WDR27: variants seen among roughly 807,000 people sequenced by gnomAD.
The protein encoded by WDR27 is WD repeat-containing protein 27.
WDR27 carries 100 observed loss-of-function variants against 114.4 expected under a neutral mutation model. That is an observed-to-expected ratio of 0.87 (90% CI 0.74 to 1.03). The LOEUF is 1.03. Among genes scored for constraint, WDR27 ranks in the 50% least tolerant of loss-of-function variants. WDR27 has a pLI of 0.00. For synonymous variants in WDR27, 449 were observed against 423.1 expected (o/e 1.06, Z -0.75); for missense variants, 1,129 against 1,092.9 (o/e 1.03, Z -0.47).
chr6:169,575,307 T>C (rs1306193022), intron 24 of WDR27, among the ~76,000 whole-genome samples: 1 of 91,626 alleles, frequency 1.1e-5, no homozygotes, highest in Non-Finnish European at 2.2e-5. Flanking sequence ...TCTCCATCCA[T>C]CCATCCCTCC....
At chr6:169,616,056 G>A (rs1230855772) in intron 21 of WDR27, among the ~76,000 whole-genome samples, 1 of 150,254 alleles carries the variant, frequency 6.7e-6, no homozygotes, top group Non-Finnish European at 1.5e-5. Flanking sequence ...ACAGATATAA[G>A]GTAAAGAAAG....
At chr6:169,565,107 AC>A (rs943339202) in intron 25 of WDR27, among the ~76,000 whole-genome samples, 149 of 152,236 alleles carry the variant, frequency 9.8e-4, no homozygotes, top group African/African-American at 3.5e-3. Flanking sequence ...CAGTCCCGCC[AC>A]CTTGCTTACA....
chr6:169,646,131 G>A (rs759375622), intron 16 of WDR27, among the ~76,000 whole-genome samples: 3 of 152,188 alleles, frequency 2.0e-5, no homozygotes, highest in Admixed American at 6.5e-5. Flanking sequence ...CACTAACATC[G>A]GCATGGGGGT....
At chr6:169,560,621 T>C (rs941540942) in intron 25 of WDR27, among the ~76,000 whole-genome samples, 16 of 152,224 alleles carry the variant, frequency 1.1e-4, no homozygotes, top group Non-Finnish European at 2.1e-4. Context: ...GGCCCTCTTG[T>C]TGATGGGACA....
chr6:169,559,791 T>A (rs1247686107), intron 25 of WDR27: 2 of 152,232 alleles, frequency 1.3e-5, no homozygotes, highest in Non-Finnish European at 2.9e-5. Flanking sequence ...TACAGCTCTG[T>A]GGTGCGTAGG....
chr6:169,447,046 A>G, the WDR27 span, among the ~76,000 whole-genome samples: 1 of 152,238 alleles, frequency 6.6e-6, no homozygotes, highest in East Asian at 1.9e-4. Flanking sequence ...ATGATAATGC[A>G]AAAAGATTTC....
intron 25 of WDR27, among the ~76,000 whole-genome samples, chr6:169,525,265 G>A (rs1794813447): frequency 6.6e-6 from 1 of 152,078 alleles, no homozygotes; most frequent in Non-Finnish European, 1.5e-5. Context: ...GGCCAGGCGT[G>A]GTGGTTTACG....
rs774491210 is a variant in WDR27, at chr6:169,659,230, T to C, written c.1198-23A>G. The C allele has an allele frequency of 8.9e-6, 14 of 1,575,070 alleles. No homozygotes were observed. The African/African-American group carries it at 1.6e-4, about 18-fold the overall frequency. On this transcript the variant is annotated intron_variant, in intron 11 of 25. Coordinates refer to ENST00000448612, the MANE Select transcript of WDR27 (RefSeq NM_182552.5). The surrounding 1 kb of genome is among the most constrained non-coding windows in gnomAD (Gnocchi z 4.3). ...CACCTGCAGGGACGCGGTTTCAACA[T>C]CGTTAGCGACACCACCCAGTAAAAG...
chr6:169,613,804 C>T (rs1347915901), intron 21 of WDR27, 148 bp from the exon 22 acceptor site: 8 of 673,004 alleles, frequency 1.2e-5, no homozygotes, highest in Non-Finnish European at 1.9e-5. Flanking sequence ...AATTGGACTC[C>T]AAAAACTTCT....
intron 25 of WDR27, among the ~76,000 whole-genome samples, chr6:169,552,973 G>GGTGTGTGTGT (rs3975497): frequency 0.021 from 1,285 of 61,726 alleles, 111 homozygotes; most frequent in Non-Finnish European, 0.024. Flanking sequence ...GGGCCTGCCC[G>GGTGTGTGTGT]GTGTGTGTGT....
chr6:169,447,857 TA>T, the WDR27 span, among the ~76,000 whole-genome samples: 1 of 152,210 alleles, frequency 6.6e-6, no homozygotes, highest in East Asian at 1.9e-4. Flanking sequence ...TCATCTGCAA[TA>T]AAAACTTTTT....
At chr6:169,583,939 T>C (rs1460423370) in intron 23 of WDR27, among the ~76,000 whole-genome samples, 1 of 152,182 alleles carries the variant, frequency 6.6e-6, no homozygotes, top group Non-Finnish European at 1.5e-5. Context: ...AAAATCTATG[T>C]AGTTCAGGAA....
At chr6:169,553,865 G>A (rs1423854377) in intron 25 of WDR27, among the ~76,000 whole-genome samples, 4 of 152,196 alleles carry the variant, frequency 2.6e-5, no homozygotes, top group Non-Finnish European at 5.9e-5. Context: ...GCAGAATGGA[G>A]TGAGAGAAAG....
At chr6:169,656,687 GCGACAGCTCCCAGCTC>G (rs531692969) in intron 13 of WDR27, among the ~76,000 whole-genome samples, 84 of 152,298 alleles carry the variant, frequency 5.5e-4, no homozygotes, top group South Asian at 5.4e-3. Context: ...CCAGGAGGAG[GCGACAGCTCCCAGCTC>G]CGACAGCTCC....
chr6:169,499,602 G>A (rs190169637), intron 25 of WDR27, among the ~76,000 whole-genome samples: 18 of 152,314 alleles, frequency 1.2e-4, no homozygotes, highest in Non-Finnish European at 1.8e-4. Context: ...GAAGACAGTC[G>A]CTTCCCGCAG....
At chr6:169,468,736 G>T (rs1298477398) in intron 25 of WDR27, among the ~76,000 whole-genome samples, 9 of 152,160 alleles carry the variant, frequency 5.9e-5, no homozygotes, top group Non-Finnish European at 1.2e-4. Context: ...TTTGCCAGAT[G>T]TCTCAGTCTG....
intron 24 of WDR27, among the ~76,000 whole-genome samples, chr6:169,578,589 C>T (rs1802846808): frequency 6.6e-6 from 1 of 152,110 alleles, no homozygotes; most frequent in South Asian, 2.1e-4. Context: ...GCTTGGAAGC[C>T]GTGGGGATGC....
At chr6:169,499,810 C>T (rs527746820) in intron 25 of WDR27, among the ~76,000 whole-genome samples, 16 of 152,358 alleles carry the variant, frequency 1.1e-4, no homozygotes, top group African/African-American at 3.6e-4. Flanking sequence ...CCGTCACAGG[C>T]AGCAGGAGGG....
At chr6:169,487,492 TGCTCCCTGGATTACAGAGTCGAG>T (rs1789090090) in intron 25 of WDR27, among the ~76,000 whole-genome samples, 1 of 152,146 alleles carries the variant, frequency 6.6e-6, no homozygotes, top group South Asian at 2.1e-4. Flanking sequence ...TGGGCCTCGC[TGCTCCCTGGATTACAGAGTCGAG>T]GCGCTTGAAA....
Sources: allele counts gnomAD v4.1 joint callset (sites outside exome capture counted in the v4.1 genomes callset), GRCh38; gene constraint gnomAD v4.1.1; non-coding constraint Gnocchi (gnomAD v3.1); transcripts MANE v1.5; gene names NCBI Gene and HGNC (gene_info 2026-07-23, HGNC 2026-07-21).